The following DSE variants were observed in gnomAD, a reference collection of about 807,000 sequenced individuals.
DSE encodes dermatan sulfate epimerase.
Under a neutral mutation model 84.4 loss-of-function variants are expected in DSE, and 36 were observed. The observed-to-expected ratio is 0.43, with a 90% CI of 0.33 to 0.56. The LOEUF is 0.56. DSE is among the 20% of genes least tolerant of loss of function. The pLI is 0.06. For missense variants in DSE, 862 were observed against 1,169.6 expected, an observed-to-expected ratio of 0.74 and a Z score of 3.84; for synonymous variants, 410 against 430.1, an observed-to-expected ratio of 0.95 and a Z score of 0.58.
In DSE at chr6:116,439,189, A is replaced by T. The variant is rs2115104419; in HGVS notation, c.*1844A>T. The T allele has an allele frequency of 6.6e-6, 1 of 152,302 alleles. No individual in the cohort carries two copies. The highest frequency in any genetic ancestry group is 2.1e-4 in the South Asian group (1 of 4,826). The allele number at this position is 152,302 out of a possible 1,614,324, so 9.4% of individuals were successfully genotyped here. On this transcript the variant is annotated 3_prime_UTR_variant, in exon 6 of 6. Transcript: ENST00000644252. ...AAAGGAAATTTTGAAAGAAAAAAAAAAGGAAAATTATTCTTTGAGGTTACC... is the reference window on the plus strand; with the variant it reads ...AAAGGAAATTTTGAAAGAAAAAAAATAGGAAAATTATTCTTTGAGGTTACC...
At chr6:116,425,627 T>A (rs1171062413) in intron 2 of DSE, among the ~76,000 whole-genome samples, 12 of 94,752 alleles carry the variant, frequency 1.3e-4, no homozygotes, top group African/African-American at 4.4e-4. Context: ...TTATTTTATT[T>A]TATTTTTTTT....
chr6:116,368,226 C>T (rs377053942), upstream of DSE, among the ~76,000 whole-genome samples: 6 of 152,258 alleles, frequency 3.9e-5, no homozygotes, highest in Admixed American at 3.9e-4. Flanking sequence ...TACCCATGTA[C>T]ACAGGCTGCT....
chr6:116,275,794 A>C (rs2114624330), intron 2 of DSE, among the ~76,000 whole-genome samples: 1 of 129,938 alleles, frequency 7.7e-6, no homozygotes, highest in East Asian at 2.0e-4. Context: ...GTGGGACTCT[A>C]TCTCAAAAAA....
intron 2 of DSE, among the ~76,000 whole-genome samples, chr6:116,300,530 A>G (rs1450969611): frequency 2.0e-4 from 30 of 152,202 alleles, no homozygotes; most frequent in Admixed American, 2.0e-3. Context: ...TAATGGCTTG[A>G]TGTGCTTCAT....
At chr6:116,301,885 G>A (rs537588444) in intron 2 of DSE, among the ~76,000 whole-genome samples, 2 of 152,276 alleles carry the variant, frequency 1.3e-5, no homozygotes, top group East Asian at 1.9e-4. Context: ...AACATGCGGT[G>A]TTTGGTTTTC....
chr6:116,363,314 T>G (rs1357434410), intron 2 of DSE, among the ~76,000 whole-genome samples: 1 of 151,972 alleles, frequency 6.6e-6, no homozygotes. Flanking sequence ...ACTTGCCACA[T>G]GTTTAATGAC....
At chr6:116,371,189 G>T in intron 1 of DSE, 68 bp downstream of exon 1, 1 of 985,472 alleles carries the variant, frequency 1.0e-6, no homozygotes, top group African/African-American at 1.7e-5. Flanking sequence ...AGTTTCGGGC[G>T]GGTAGCCTTC....
At chr6:116,430,749 G>T (rs1411516907) in intron 3 of DSE, among the ~76,000 whole-genome samples, 2 of 150,028 alleles carry the variant, frequency 1.3e-5, no homozygotes, top group African/African-American at 2.5e-5. Flanking sequence ...CACCATATTA[G>T]CCAGGAAGAA....
chr6:116,361,806 A>G (rs1778907377), intron 2 of DSE, among the ~76,000 whole-genome samples: 1 of 152,216 alleles, frequency 6.6e-6, no homozygotes, highest in Non-Finnish European at 1.5e-5. Flanking sequence ...TAGCAAATGT[A>G]CTATCACAAT....
chr6:116,355,495 GC>G, intron 2 of DSE, among the ~76,000 whole-genome samples: 1 of 152,138 alleles, frequency 6.6e-6, no homozygotes, highest in Non-Finnish European at 1.5e-5. Flanking sequence ...GGCTCATTTA[GC>G]CTAATTTCTG....
intron 2 of DSE, among the ~76,000 whole-genome samples, chr6:116,361,011 T>C (rs1280404423): frequency 6.6e-6 from 1 of 152,152 alleles, no homozygotes; most frequent in East Asian, 1.9e-4. Context: ...CATAGAGCCA[T>C]TTATATTCTA....
intron 2 of DSE, among the ~76,000 whole-genome samples, chr6:116,316,070 A>G (rs1448998583): frequency 6.6e-6 from 1 of 152,036 alleles, no homozygotes; most frequent in African/African-American, 2.4e-5. Context: ...TGGAGTCACA[A>G]TATTTTGTCC....
chr6:116,393,573 A>AC (rs1781046616), intron 1 of DSE, among the ~76,000 whole-genome samples: 1 of 152,184 alleles, frequency 6.6e-6, no homozygotes, highest in South Asian at 2.1e-4. Flanking sequence ...ATGTCTAATC[A>AC]CCCCATGAAG....
intron 2 of DSE, among the ~76,000 whole-genome samples, chr6:116,268,872 CTG>C (rs1772749485): frequency 6.6e-6 from 1 of 152,118 alleles, no homozygotes; most frequent in South Asian, 2.1e-4. Flanking sequence ...AGTAAAATAA[CTG>C]TGGCATAGTT....
chr6:116,331,643 T>C (rs1182515644), intron 2 of DSE, among the ~76,000 whole-genome samples: 4 of 151,956 alleles, frequency 2.6e-5, no homozygotes, highest in African/African-American at 4.8e-5. Flanking sequence ...TCCTAATTAG[T>C]GTGGTAAGGA....
intron 2 of DSE, 95 bp from the exon 3 acceptor site, chr6:116,426,479 G>A (rs1438858001): frequency 3.3e-6 from 5 of 1,497,592 alleles, no homozygotes; most frequent in Non-Finnish European, 3.6e-6. Flanking sequence ...ATATCTTCAA[G>A]TGTGCCCTTT....
At chr6:116,339,712 G>T (rs1159144292) in intron 2 of DSE, among the ~76,000 whole-genome samples, 2 of 152,178 alleles carry the variant, frequency 1.3e-5, no homozygotes, top group Admixed American at 6.6e-5. Context: ...CTTGGCAATT[G>T]AGTTTATAGT....
chr6:116,420,350 A>G (rs938687279), intron 2 of DSE, among the ~76,000 whole-genome samples: 1 of 152,216 alleles, frequency 6.6e-6, no homozygotes, highest in African/African-American at 2.4e-5. Context: ...TTAGATTTAG[A>G]TGGAGGTCCT....
At chr6:116,377,182 G>A (rs1779977636) in intron 1 of DSE, among the ~76,000 whole-genome samples, 1 of 152,106 alleles carries the variant, frequency 6.6e-6, no homozygotes, top group African/African-American at 2.4e-5. Context: ...TTAAGTCAGG[G>A]CTTTGCATTT....
Sources: allele counts gnomAD v4.1 joint callset (sites outside exome capture counted in the v4.1 genomes callset), GRCh38; gene constraint gnomAD v4.1.1; transcripts MANE v1.5; gene names NCBI Gene and HGNC (gene_info 2026-07-23, HGNC 2026-07-21).